FAM13A: variants seen among roughly 807,000 people sequenced by gnomAD.
FAM13A encodes protein FAM13A.
Under a neutral mutation model 129.6 loss-of-function variants are expected in FAM13A, and 76 were observed. The observed-to-expected ratio is 0.59, with a 90% CI of 0.49 to 0.71. The LOEUF (loss-of-function observed/expected upper bound fraction) is 0.71. FAM13A is among the 30% of genes least tolerant of loss of function. The pLI is 0.00. For missense variants in FAM13A, 1,108 were observed against 1,249.3 expected, an observed-to-expected ratio of 0.89 and a Z score of 1.70; for synonymous variants, 443 against 449.9, an observed-to-expected ratio of 0.98 and a Z score of 0.20.
At position 88,758,888 on chromosome 4, in the gene FAM13A, T is replaced by C. The variant is rs1473661991; in HGVS notation, c.1592A>G (p.Lys531Arg). The C allele has an allele frequency of 2.5e-6, 4 of 1,613,874 alleles. No homozygotes were observed. Among genetic ancestry groups the C allele is most frequent in the Non-Finnish European group, 2.5e-6 (3 of 1,179,838 alleles). The change falls in exon 14 of 24, where the codon AAG (lysine) becomes AGG (arginine). Residue 531 changes from lysine (K) to arginine (R), a missense_variant. Lys to Arg is a conservative substitution (Grantham distance 26). This residue lies in a region of FAM13A where 529 missense variants were observed against 621.2 expected (regional missense o/e 0.85). Transcript: ENST00000264344. ...AGATAGGCTGGGATGCTCCTGGATC[T>C]TCATTGTGGGGCTCTGCAATAACAG... ...HTQHFESPTM[K>R]IQEHPSLSDT...
Position 88,750,432 on chromosome 4 carries a change from A to C in FAM13A, c.1932T>G (p.Ser644=). The change falls in exon 15 of 24, where the codon TCT becomes TCG. Residue 644 remains serine, a synonymous_variant. Coordinates refer to ENST00000264344, the MANE Select transcript of FAM13A (RefSeq NM_014883.4). ...EVPPSPPNSH[S]FMRRRSSSLG... is the part of the protein sequence containing the mutation. Reference sequence around the variant, plus strand: ...AACACAGAGAAACATACCTCATGAAAGAATGGGAGTTTGGTGGGGAAGGAG... The same window carrying C: ...AACACAGAGAAACATACCTCATGAACGAATGGGAGTTTGGTGGGGAAGGAG... 6.2e-7 allele frequency: 1 copy of C among 1,613,538 alleles called. No individual in the cohort carries two copies.
At chr4:88,991,850 C>A (rs1439534813) in intron 3 of FAM13A, among the ~76,000 whole-genome samples, 1 of 152,112 alleles carries the variant, frequency 6.6e-6, no homozygotes, top group Non-Finnish European at 1.5e-5. Flanking sequence ...CTGGGCATGT[C>A]CTCAAGAGTC....
At chr4:89,028,585 C>T (rs78479307) in intron 2 of FAM13A, among the ~76,000 whole-genome samples, 1,890 of 151,922 alleles carry the variant, frequency 0.012, 114 homozygotes, top group East Asian at 0.1. Flanking sequence ...CAGCTACTCG[C>T]GAGGCTAAGA....
chr4:88,843,343 T>G (rs1273635592), intron 7 of FAM13A, among the ~76,000 whole-genome samples: 1 of 152,248 alleles, frequency 6.6e-6, no homozygotes, highest in African/African-American at 2.4e-5. Context: ...CTATGATATT[T>G]GGTAATTTTT....
chr4:88,945,988 G>A (rs9684936), intron 4 of FAM13A, among the ~76,000 whole-genome samples: 274 of 13,524 alleles, frequency 0.02, 1 homozygote, highest in African/African-American at 0.081. Flanking sequence ...GTGTGTGTGT[G>A]TGTATATATA....
chr4:88,737,615 C>T, intron 20 of FAM13A, 60 bp from the exon 21 acceptor site: 2 of 1,325,128 alleles, frequency 1.5e-6, no homozygotes, highest in South Asian at 2.3e-5. Context: ...CCCTCCAGCT[C>T]TCGGCCTCCT....
At chr4:88,841,473 G>A in intron 7 of FAM13A, among the ~76,000 whole-genome samples, 2 of 122,362 alleles carry the variant, frequency 1.6e-5, no homozygotes, top group Admixed American at 1.1e-4. Context: ...CAGCCTGGGT[G>A]ACAGAGTGAG....
In FAM13A at chr4:89,042,676, A is replaced by C. The variant is rs180910515; in HGVS notation, c.28-13027T>G. On this transcript the variant is annotated intron_variant, in intron 1 of 23. Coordinates refer to ENST00000264344, the MANE Select transcript of FAM13A (RefSeq NM_014883.4). ...TCTATGATCTGAAAAATAAAGACCC[A>C]ACAATCTTTAAACATTCACAGAAAA... Among the ~76,000 whole-genome samples, 79 of 152,338 alleles carry C rather than the reference A, an allele frequency of 5.2e-4. No homozygotes were observed. In the East Asian group the frequency reaches 0.014, roughly 28 times the overall value.
intron 5 of FAM13A, among the ~76,000 whole-genome samples, chr4:88,932,400 CCT>C (rs1236832333): frequency 6.6e-6 from 1 of 152,122 alleles, no homozygotes; most frequent in Admixed American, 6.6e-5. Flanking sequence ...CCCTTTTGCC[CCT>C]GTGTTCCTAC....
chr4:88,926,123 C>T (rs1254801069), intron 5 of FAM13A, among the ~76,000 whole-genome samples: 1 of 152,018 alleles, frequency 6.6e-6, no homozygotes, highest in Non-Finnish European at 1.5e-5. Context: ...TAGGGGAGAG[C>T]TCGGGCAACA....
At position 88,746,967 on chromosome 4, in the gene FAM13A, C is replaced by A. The variant is rs1296911483; in HGVS notation, c.2431G>T (p.Ala811Ser). 39 of 1,613,654 alleles carry A rather than the reference C, an allele frequency of 2.4e-5. No individual in the cohort carries two copies. The highest frequency in any genetic ancestry group is 3.0e-5 in the Non-Finnish European group (35 of 1,179,718). Reference sequence around the variant, plus strand: ...TGAATGCTTTCATAATATAACAGAGCTTTCTGCAGAGCCACTTTCTCATTA... The same window carrying A: ...TGAATGCTTTCATAATATAACAGAGATTTCTGCAGAGCCACTTTCTCATTA... ...IANEKVALQK[A>S]LLYYESIHGR... is the part of the protein sequence containing the mutation. Residue 811 changes from alanine (A) to serine (S), a missense_variant, in exon 19 of 24, where the codon GCT becomes TCT. Physicochemically the swap from Ala to Ser is moderately conservative, Grantham distance 99. Around this residue, in one of 3 missense-constraint regions of FAM13A, gnomAD observed 529 missense variants for 621.2 expected, o/e 0.85. Transcript: ENST00000264344.
intron 8 of FAM13A, 98 bp downstream of exon 8, chr4:88,804,913 A>C (rs1728253141): frequency 4.2e-6 from 3 of 718,392 alleles, no homozygotes; most frequent in Non-Finnish European, 7.4e-6. Flanking sequence ...ACAGTAATGA[A>C]TGTTCTATTG....
chr4:88,913,264 AGTG>A (rs1749448342), intron 5 of FAM13A, among the ~76,000 whole-genome samples: 1 of 127,370 alleles, frequency 7.9e-6, no homozygotes, highest in African/African-American at 3.0e-5. Flanking sequence ...AAGAGGAAGA[AGTG>A]GAGGAGGAAG....
chr4:89,021,988 G>T (rs1163493663), intron 2 of FAM13A, among the ~76,000 whole-genome samples: 1 of 152,162 alleles, frequency 6.6e-6, no homozygotes, highest in Non-Finnish European at 1.5e-5. Context: ...AAGTGAATGT[G>T]TCAGGCAGTA....
At chr4:88,749,631 C>T in intron 16 of FAM13A, 140 bp downstream of exon 16, 1 of 712,982 alleles carries the variant, frequency 1.4e-6, no homozygotes. Context: ...TCAGGGTGTA[C>T]TATCCAGGGT....
Position 88,776,534 on chromosome 4 carries a change from T to C in FAM13A, c.1458+4631A>G, listed in dbSNP as rs931612366. ...TCTTCATAACTATAATTTTGAATCA[T>C]TGCAAAATATTTTATTGAGTTGACA... On this transcript the variant is annotated intron_variant, in intron 11 of 23. Coordinates refer to ENST00000264344, the MANE Select transcript of FAM13A (RefSeq NM_014883.4). Among the ~76,000 whole-genome samples, 9 of 152,222 alleles carry C rather than the reference T, an allele frequency of 5.9e-5. 1 individual carries two copies. The highest frequency in any genetic ancestry group is 2.2e-4 in the African/African-American group (9 of 41,462).
chr4:88,730,746 A>G (rs1277782468), intron 23 of FAM13A, among the ~76,000 whole-genome samples: 1 of 152,102 alleles, frequency 6.6e-6, no homozygotes, highest in Non-Finnish European at 1.5e-5. Context: ...TATCACCTTC[A>G]TTTTTGAAAT....
intron 7 of FAM13A, among the ~76,000 whole-genome samples, chr4:88,839,862 A>G (rs1735516349): frequency 6.6e-6 from 1 of 152,230 alleles, no homozygotes; most frequent in Non-Finnish European, 1.5e-5. Context: ...CAAATTAAGT[A>G]GCTGGTCTTG....
At chr4:88,954,458 C>A (rs535415249) in intron 4 of FAM13A, among the ~76,000 whole-genome samples, 2 of 152,110 alleles carry the variant, frequency 1.3e-5, no homozygotes, top group Non-Finnish European at 2.9e-5. Flanking sequence ...TTCTAAGATG[C>A]GTAAACCAGA....
Sources: gnomAD v4.1 joint callset for allele counts (sites outside exome capture counted in the v4.1 genomes callset) on GRCh38, gnomAD v4.1.1 for gene constraint, gnomAD v4.1.1 regional missense constraint, MANE v1.5 for transcripts, NCBI Gene and HGNC (gene_info 2026-07-23, HGNC 2026-07-21) for gene names.